SHISA9: variants seen among roughly 807,000 people sequenced by gnomAD.
The protein encoded by SHISA9 is protein shisa-9.
Under a neutral mutation model 38.0 loss-of-function variants are expected in SHISA9, and 13 were observed. The observed-to-expected ratio is 0.34, with a 90% confidence interval of 0.22 to 0.54. The LOEUF is 0.54. Among genes scored for constraint, SHISA9 ranks in the 20% least tolerant of loss-of-function variants. SHISA9 has a pLI of 0.91. For synonymous variants in SHISA9, 275 were observed against 242.0 expected, an observed-to-expected ratio of 1.14 and a Z score of -1.27; for missense variants, 538 against 575.8, an observed-to-expected ratio of 0.93 and a Z score of 0.67.
At chr16:13,153,533 G>A (rs2050517628) in intron 2 of SHISA9, among the ~76,000 whole-genome samples, 1 of 152,132 alleles carries the variant, frequency 6.6e-6, no homozygotes, top group African/African-American at 2.4e-5. Flanking sequence ...ACCTTGTGGT[G>A]GAACTCCAAT....
At chr16:13,157,326 A>C (rs1410843996) in intron 2 of SHISA9, among the ~76,000 whole-genome samples, 1 of 152,214 alleles carries the variant, frequency 6.6e-6, no homozygotes, top group East Asian at 1.9e-4. Flanking sequence ...GCAATTTAGC[A>C]TCACAAAGCT....
chr16:12,979,172 C>A (rs897969698), intron 2 of SHISA9, among the ~76,000 whole-genome samples: 1 of 152,164 alleles, frequency 6.6e-6, no homozygotes, highest in Non-Finnish European at 1.5e-5. Context: ...GGTTTATAGC[C>A]ACACCCTCTC....
rs78347612 is a variant in SHISA9 at position 13,026,536 on chromosome 16, A to T, written c.691+109721A>T. On this transcript the variant is annotated intron_variant, in intron 2 of 4. Coordinates refer to ENST00000558583, the MANE Select transcript of SHISA9 (RefSeq NM_001145204.3). ...TTTTGTGAATAATGCTGCAATGGACATGGGAGTGCAGATATCTCTTTGAGT... is the reference window on the plus strand; with the variant it reads ...TTTTGTGAATAATGCTGCAATGGACTTGGGAGTGCAGATATCTCTTTGAGT... Among the ~76,000 whole-genome samples, 600 of 152,318 alleles carry T rather than the reference A, an allele frequency of 3.9e-3. 8 individuals are homozygous for T. Among genetic ancestry groups the T allele is most frequent in the Middle Eastern group, 0.017 (5 of 294 alleles).
chr16:13,471,952 G>A, the SHISA9 span, among the ~76,000 whole-genome samples: 1 of 152,166 alleles, frequency 6.6e-6, no homozygotes, highest in African/African-American at 2.4e-5. Flanking sequence ...ACAAAGACAA[G>A]GGAGGAAAGG....
chr16:13,478,428 C>T, the SHISA9 span, among the ~76,000 whole-genome samples: 3 of 152,232 alleles, frequency 2.0e-5, no homozygotes, highest in South Asian at 6.2e-4. Context: ...TAGGTCAAAT[C>T]CCTTTTGACC....
At chr16:13,309,943 A>G in the SHISA9 span, among the ~76,000 whole-genome samples, 10 of 152,106 alleles carry the variant, frequency 6.6e-5, no homozygotes, top group Non-Finnish European at 1.5e-4. Context: ...GCTGGAGTGC[A>G]ATGGCACGAT....
chr16:13,069,969 C>T (rs564369843), intron 2 of SHISA9, among the ~76,000 whole-genome samples: 1 of 152,142 alleles, frequency 6.6e-6, no homozygotes, highest in Non-Finnish European at 1.5e-5. Flanking sequence ...GGTGGGAAAT[C>T]AATTTCTGTT....
intron 3 of SHISA9, chr16:13,204,954 A>C (rs1348712445): frequency 6.6e-6 from 1 of 152,228 alleles, no homozygotes; most frequent in Non-Finnish European, 1.5e-5. Context: ...ACAGTGACTG[A>C]GGCTCCTGAA....
chr16:12,956,345 G>T (rs542861769), intron 2 of SHISA9, among the ~76,000 whole-genome samples: 1 of 152,280 alleles, frequency 6.6e-6, no homozygotes, highest in South Asian at 2.1e-4. Context: ...ATTAAAAATA[G>T]AACTACCATT....
intron 2 of SHISA9, among the ~76,000 whole-genome samples, chr16:12,960,996 A>G (rs1277679177): frequency 2.6e-5 from 4 of 151,312 alleles, no homozygotes. Flanking sequence ...TAGCAGTGCA[A>G]TCATTTGTGT....
At chr16:12,970,418 C>CACACATATATATAT (rs2072054343) in intron 2 of SHISA9, among the ~76,000 whole-genome samples, 1 of 9,584 alleles carries the variant, frequency 1.0e-4, no homozygotes, top group African/African-American at 2.8e-4. Context: ...TATATATATA[C>CACACATATATATAT]ACATATATGT....
the SHISA9 span, among the ~76,000 whole-genome samples, chr16:13,487,692 A>G: frequency 1.3e-5 from 2 of 152,262 alleles, no homozygotes; most frequent in Non-Finnish European, 2.9e-5. Context: ...TAGATTACTT[A>G]TAATACTAAC....
rs79857996 is a variant in SHISA9, at chr16:13,070,415, C to T, written c.692-132979C>T. Among the ~76,000 whole-genome samples, 482 of 152,302 alleles carry T rather than the reference C, an allele frequency of 3.2e-3. 1 individual carries two copies. Among genetic ancestry groups the T allele is most frequent in the Non-Finnish European group, 5.6e-3 (383 of 68,032 alleles). ...GCACATGCGATTGGCCAGGCTGGGA[C>T]CTGACTCTGGGTTGGCGGGCAGATT... On this transcript the variant is annotated intron_variant, in intron 2 of 4. Transcript: ENST00000558583.
the SHISA9 span, among the ~76,000 whole-genome samples, chr16:13,549,853 T>A: frequency 1.3e-5 from 2 of 151,736 alleles, no homozygotes; most frequent in Non-Finnish European, 2.9e-5. Context: ...TGAAACCACA[T>A]CTCTACAAAA....
intron 2 of SHISA9, among the ~76,000 whole-genome samples, chr16:13,018,203 A>G (rs1160884023): frequency 6.6e-6 from 1 of 152,150 alleles, no homozygotes; most frequent in African/African-American, 2.4e-5. Flanking sequence ...ACAGCTTCAC[A>G]GTGGGTAGGG....
intron 2 of SHISA9, among the ~76,000 whole-genome samples, chr16:13,166,439 T>C (rs2050636463): frequency 1.3e-5 from 2 of 152,230 alleles, no homozygotes; most frequent in African/African-American, 4.8e-5. Context: ...CTTCTTAGCA[T>C]GGCCAAAAAG....
the SHISA9 span, among the ~76,000 whole-genome samples, chr16:13,394,154 A>G: frequency 6.6e-6 from 1 of 152,310 alleles, no homozygotes; most frequent in Non-Finnish European, 1.5e-5. Context: ...ACCATCTGCC[A>G]TGAGAAAAAC....
the SHISA9 span, among the ~76,000 whole-genome samples, chr16:13,314,679 A>G: frequency 6.6e-6 from 1 of 152,090 alleles, no homozygotes; most frequent in African/African-American, 2.4e-5. Flanking sequence ...TCAACATCAT[A>G]GATACATCCA....
At chr16:13,064,784 CAAA>C (rs72435637) in intron 2 of SHISA9, among the ~76,000 whole-genome samples, 5,806 of 82,344 alleles carry the variant, frequency 0.071, 198 homozygotes, top group African/African-American at 0.12. Context: ...AGTTGTAAGG[CAAA>C]AAAAAAAAAA....
Sources: gnomAD v4.1 joint callset for allele counts (sites outside exome capture counted in the v4.1 genomes callset) on GRCh38, gnomAD v4.1.1 for gene constraint, MANE v1.5 for transcripts, NCBI Gene and HGNC (gene_info 2026-07-23, HGNC 2026-07-21) for gene names.